TNFRSF1B: variants seen among roughly 807,000 people sequenced by gnomAD.
TNFRSF1B encodes the protein tumor necrosis factor receptor superfamily member 1B.
In TNFRSF1B, 19 loss-of-function variants were observed where a neutral mutation model predicts 44.6. That is an observed-to-expected ratio of 0.43 (90% CI 0.30 to 0.62). TNFRSF1B has a LOEUF of 0.62. Ranked by LOEUF, TNFRSF1B falls within the 20% of genes least tolerant of loss-of-function variation. The pLI, the probability that TNFRSF1B is intolerant of heterozygous loss-of-function variation, is 0.16. For missense variants in TNFRSF1B, 541 were observed against 619.9 expected, an observed-to-expected ratio of 0.87 and a Z score of 1.35; for synonymous variants, 252 against 261.1, an observed-to-expected ratio of 0.97 and a Z score of 0.34.
chr1:12,167,551 C>T (rs1390018462), intron 1 of TNFRSF1B: 2 of 362,196 alleles, frequency 5.5e-6, no homozygotes, highest in Admixed American at 4.1e-5. Context: ...GACAGCCCTT[C>T]CCTCCCACGC....
In TNFRSF1B at chr1:12,209,013, A is replaced by C. The variant is rs1639572576; in HGVS notation, c.*1993A>C. On this transcript the variant is annotated 3_prime_UTR_variant, in exon 10 of 10. Transcript: ENST00000376259. Reference sequence around the variant, plus strand: ...CTGCCCACATTGGACCCACATGAGGACATGATGGAGCGCACCTGCCCCCTG... The same window carrying C: ...CTGCCCACATTGGACCCACATGAGGCCATGATGGAGCGCACCTGCCCCCTG... The C allele has an allele frequency of 6.6e-6, 1 of 152,224 alleles. No homozygotes were observed. The highest frequency in any genetic ancestry group is 1.5e-5 in the Non-Finnish European group (1 of 68,090). The allele number at this position is 152,224 out of a possible 1,614,324, so 9.4% of individuals were successfully genotyped here. A position where few individuals can be genotyped will look rare whatever the true frequency, so the allele number is the denominator to read the frequency against.
chr1:12,185,297 A>G (rs1469839606), intron 1 of TNFRSF1B, among the ~76,000 whole-genome samples: 2 of 146,348 alleles, frequency 1.4e-5, no homozygotes, highest in Non-Finnish European at 3.1e-5. Context: ...ATCACTGGGG[A>G]GATTTCCTTT....
chr1:12,194,928 A>G (rs1294226484), intron 8 of TNFRSF1B, among the ~76,000 whole-genome samples: 2 of 152,272 alleles, frequency 1.3e-5, no homozygotes, highest in East Asian at 1.9e-4. Context: ...TTACCATGAG[A>G]TGGGGGTTGT....
In TNFRSF1B at chr1:12,183,695, T is replaced by A. The variant is rs529365447; in HGVS notation, c.79-5101T>A. 3.3e-3 allele frequency among the ~76,000 whole-genome samples: 416 copies of A among 127,742 alleles called. 4 individuals carry two copies. Among genetic ancestry groups the A allele is most frequent in the Non-Finnish European group, 4.4e-3 (256 of 57,626 alleles). 83.8% of individuals were successfully genotyped at this position (127,742 alleles called of 152,430 possible). A position where few individuals can be genotyped will look rare whatever the true frequency, so the allele number is the denominator to read the frequency against. The stretch of plus-strand genomic sequence containing the variant: ...ATCTATCTATCTATCTATCTATCTA[T>A]CTATCTATCTATCTATTCTATCTAC... On this transcript the variant is annotated intron_variant, in intron 1 of 9. Transcript: ENST00000376259.
chr1:12,203,332 C>T (rs1258094657), intron 9 of TNFRSF1B, among the ~76,000 whole-genome samples: 2 of 152,188 alleles, frequency 1.3e-5, no homozygotes, highest in Non-Finnish European at 2.9e-5. Context: ...GGGCCAGGCT[C>T]CCTCTGGGCC....
intron 1 of TNFRSF1B, among the ~76,000 whole-genome samples, chr1:12,174,122 TTTC>T (rs541359943): frequency 0.083 from 5,516 of 66,564 alleles, 535 homozygotes; most frequent in Middle Eastern, 0.12. Flanking sequence ...TGAGACTCCA[TTTC>T]TTCTTCTTCT....
At chr1:12,167,206 C>T in intron 1 of TNFRSF1B, 37 bp downstream of exon 1, 1 of 1,235,412 alleles carries the variant, frequency 8.1e-7, no homozygotes, top group Non-Finnish European at 1.0e-6. Context: ...GACAGCCGCC[C>T]CGCATGTCCA....
Position 12,190,997 on chromosome 1 carries a change from C to T in TNFRSF1B, c.219C>T (p.Thr73=), listed in dbSNP as rs778524203. The T allele has an allele frequency of 3.7e-6, 6 of 1,614,082 alleles. No homozygotes were observed. Among genetic ancestry groups the T allele is most frequent in the East Asian group, 2.2e-5 (1 of 44,900 alleles). ...TCTTCTGTACCAAGACCTCGGACAC[C>T]GTGTGTGACTCCTGTGAGGACAGCA... ...AKVFCTKTSD[T]VCDSCEDSTY... The change falls in exon 3 of 10, where the codon ACC becomes ACT. Residue 73 remains threonine (T), a synonymous_variant. Coordinates refer to ENST00000376259, the MANE Select transcript of TNFRSF1B (RefSeq NM_001066.3).
intron 9 of TNFRSF1B, among the ~76,000 whole-genome samples, chr1:12,205,604 C>T (rs1246912442): frequency 6.6e-6 from 1 of 152,046 alleles, no homozygotes; most frequent in African/African-American, 2.4e-5. Flanking sequence ...GCAGGGTGAC[C>T]CTTGCAGAAG....
In TNFRSF1B at chr1:12,187,452, CCT is replaced by C. The variant is rs1199321911; in HGVS notation, c.79-1335_79-1334del. 6.6e-6 allele frequency among the ~76,000 whole-genome samples: 1 copy of C among 152,102 alleles called. No homozygotes were observed. The highest frequency in any genetic ancestry group is 1.5e-5 in the Non-Finnish European group (1 of 68,002). ...ACAGGTGTGAGCCACCACACCTGGC[CCT>C]CTCTCTCTTTTCATTCATCACATTG... On this transcript the variant is annotated intron_variant, in intron 1 of 9. Coordinates refer to ENST00000376259, the MANE Select transcript of TNFRSF1B (RefSeq NM_001066.3). This position sits in a 1 kb window ranked among gnomAD's most constrained non-coding sequence, Gnocchi z 5.5.
At chr1:12,189,282 C>T (rs1402702461) in intron 2 of TNFRSF1B, among the ~76,000 whole-genome samples, 1 of 152,204 alleles carries the variant, frequency 6.6e-6, no homozygotes, top group Non-Finnish European at 1.5e-5. Context: ...CCTTTGAGCT[C>T]TCACTGGCCT....
Position 12,168,752 on chromosome 1 carries a change from C to T in TNFRSF1B, c.78+1583C>T, listed in dbSNP as rs1012593296. ...CCTCCTCCCTCATCCCTGCTCCCCA[C>T]GACCCCACCCGGACTATTGCCGCAG... On this transcript the variant is annotated intron_variant, in intron 1 of 9. Transcript: ENST00000376259. The surrounding 1 kb of genome is among the most constrained non-coding windows in gnomAD (Gnocchi z 4.7). 6.6e-6 allele frequency among the ~76,000 whole-genome samples: 1 copy of T among 152,138 alleles called. No homozygotes were observed. The highest frequency in any genetic ancestry group is 2.4e-5 in the African/African-American group (1 of 41,408).
In TNFRSF1B at chr1:12,199,205, A is replaced by G. The variant is rs903680754; in HGVS notation, c.901-2762A>G. 6.6e-6 allele frequency among the ~76,000 whole-genome samples: 1 copy of G among 152,202 alleles called. No homozygotes were observed. The highest frequency in any genetic ancestry group is 2.4e-5 in the African/African-American group (1 of 41,448). ...AGAGGGGGTGGGGCACAGGCCAGAA[A>G]AACCCCTTTTGTGGGGTTGTGAGGA... is the stretch of plus-strand genomic sequence containing the variant. On this transcript the variant is annotated intron_variant, in intron 8 of 9. Transcript: ENST00000376259. The surrounding 1 kb of genome is among the most constrained non-coding windows in gnomAD (Gnocchi z 4.0).
intron 1 of TNFRSF1B, among the ~76,000 whole-genome samples, chr1:12,185,526 G>A (rs1465406818): frequency 6.6e-6 from 1 of 152,118 alleles, no homozygotes; most frequent in Non-Finnish European, 1.5e-5. Context: ...GGGGAGGGGA[G>A]GGGTACTGGG....
At position 12,206,793 on chromosome 1, in the gene TNFRSF1B, G is replaced by A. The variant is rs1639512692; in HGVS notation, c.1159G>A (p.Val387Ile). The change falls in exon 10 of 10, where the codon GTC (valine) becomes ATC (isoleucine). Residue 387 changes from valine to isoleucine, a missense_variant. Coordinates refer to ENST00000376259, the MANE Select transcript of TNFRSF1B (RefSeq NM_001066.3). ...TQVNVTCIVNVCSSSDHSSQC... is the reference protein window; with the variant it reads ...TQVNVTCIVNICSSSDHSSQC... ...GGTCAATGTCACCTGCATCGTGAAC[G>A]TCTGTAGCAGCTCTGACCACAGCTC... 1.2e-6 allele frequency: 2 copies of A among 1,613,124 alleles called. No homozygotes were observed. Among genetic ancestry groups the A allele is most frequent in the Non-Finnish European group, 1.7e-6 (2 of 1,179,342 alleles).
At chr1:12,184,114 C>T (rs776420867) in intron 1 of TNFRSF1B, among the ~76,000 whole-genome samples, 4 of 152,198 alleles carry the variant, frequency 2.6e-5, no homozygotes, top group Non-Finnish European at 5.9e-5. Flanking sequence ...CTCCCCAATC[C>T]AAGGCACAGG....
chr1:12,176,636 A>G (rs1355902878), intron 1 of TNFRSF1B, among the ~76,000 whole-genome samples: 1 of 152,120 alleles, frequency 6.6e-6, no homozygotes, highest in African/African-American at 2.4e-5. Context: ...CCACACACAC[A>G]CTCCTATCAG....
At position 12,199,277 on chromosome 1, in the gene TNFRSF1B, T is replaced by G. The variant is rs1639337440; in HGVS notation, c.901-2690T>G. Among the ~76,000 whole-genome samples, 1 of 152,292 alleles carries G rather than the reference T, an allele frequency of 6.6e-6. No individual in the cohort carries two copies. The highest frequency in any genetic ancestry group is 2.1e-4 in the South Asian group (1 of 4,824). On this transcript the variant is annotated intron_variant, in intron 8 of 9. Transcript: ENST00000376259. This position sits in a 1 kb window ranked among gnomAD's most constrained non-coding sequence, Gnocchi z 4.0. ...TCCCCTTCCAGGCTCAGAGCAGGGC[T>G]GGGGGGCAGTTGTGGGCAGTGACCA...
chr1:12,172,064 C>T (rs766492328), intron 1 of TNFRSF1B, among the ~76,000 whole-genome samples: 6 of 152,116 alleles, frequency 3.9e-5, no homozygotes, highest in Non-Finnish European at 8.8e-5. Context: ...CTCACCCCCT[C>T]GACATCCCTC....
Sources: gnomAD v4.1 joint callset for allele counts (sites outside exome capture counted in the v4.1 genomes callset) on GRCh38, gnomAD v4.1.1 for gene constraint, Gnocchi (gnomAD v3.1) non-coding constraint, MANE v1.5 for transcripts, NCBI Gene and HGNC (gene_info 2026-07-23, HGNC 2026-07-21) for gene names.